Variants in ALK observed in about 807,000 individuals in gnomAD.
ALK encodes the protein ALK tyrosine kinase receptor.
ALK carries 74 observed loss-of-function variants against 163.1 expected under a neutral mutation model. The observed-to-expected ratio is 0.45, with a 90% CI of 0.38 to 0.55. The LOEUF is 0.55. Ranked by LOEUF, ALK falls within the 20% of genes least tolerant of loss-of-function variation. ALK has a pLI of 0.00. For missense variants in ALK, 2,063 were observed against 2,105.3 expected (o/e 0.98, Z 0.39); for synonymous variants, 960 against 843.2 (o/e 1.14, Z -2.40).
At chr2:29,781,997 T>A (rs926141461) in intron 1 of ALK, among the ~76,000 whole-genome samples, 1 of 152,188 alleles carries the variant, frequency 6.6e-6, no homozygotes, top group African/African-American at 2.4e-5. Flanking sequence ...TAGGGAAGTA[T>A]AGCAGGATTG....
intron 5 of ALK, among the ~76,000 whole-genome samples, chr2:29,363,599 G>A (rs549327977): frequency 1.3e-5 from 2 of 152,298 alleles, no homozygotes; most frequent in South Asian, 4.1e-4. Flanking sequence ...TAGTTGTCTT[G>A]GCATGTATAC....
chr2:29,275,260 G>C lies in ALK; in HGVS notation c.1913-33C>G, dbSNP rs755460802. ...AGAGAAGACCCCACGGGCTGAGTTA[G>C]GTGAGGGTTGATTTCAGGGTGAGAG... On this transcript the variant is annotated intron_variant, in intron 10 of 28. Coordinates refer to ENST00000389048, the MANE Select transcript of ALK (RefSeq NM_004304.5). The C allele has an allele frequency of 1.9e-6, 3 of 1,613,840 alleles. No individual in the cohort carries two copies. In the African/African-American group the frequency reaches 4.0e-5, roughly 22 times the overall value.
intron 16 of ALK, among the ~76,000 whole-genome samples, chr2:29,228,626 TATC>T (rs1664085307): frequency 2.6e-5 from 4 of 151,986 alleles, no homozygotes; most frequent in Admixed American, 2.0e-4. Flanking sequence ...AAAGCCTCTT[TATC>T]ATCGACTTTG....
intron 5 of ALK, among the ~76,000 whole-genome samples, chr2:29,333,927 AT>A (rs1420251951): frequency 6.6e-6 from 1 of 152,128 alleles, no homozygotes; most frequent in Non-Finnish European, 1.5e-5. Flanking sequence ...TTTTCATGTG[AT>A]GCCTCCCTAT....
In ALK at chr2:29,417,689, C is replaced by T. The variant is rs143677976; in HGVS notation, c.1155-33830G>A. ...CTACATCCTGTGATCACCAAGTGGA[C>T]GGTTTCCTACCGAAATAAAAAACCC... On this transcript the variant is annotated intron_variant, in intron 4 of 28. Transcript: ENST00000389048. Among the ~76,000 whole-genome samples the T allele has an allele frequency of 2.2e-4, 33 of 152,254 alleles. 1 individual carries two copies. Among genetic ancestry groups the T allele is most frequent in the Admixed American group, 3.9e-4 (6 of 15,298 alleles).
intron 1 of ALK, among the ~76,000 whole-genome samples, chr2:29,912,810 A>C (rs1191935032): frequency 6.6e-6 from 1 of 152,158 alleles, no homozygotes; most frequent in East Asian, 1.9e-4. Context: ...TCGAGCTCCT[A>C]ATCTAGTGTT....
In ALK at chr2:29,222,573, C is replaced by A; in HGVS notation, c.3394G>T (p.Glu1132Ter). The change falls in exon 21 of 29, where the codon GAA becomes TAA. Residue 1132 changes from glutamate (E) to a stop codon, truncating the protein, a stop_gained. Transcript: ENST00000389048. LOFTEE classifies it high-confidence loss of function. The stretch of plus-strand genomic sequence containing the variant: ...TTGGGCATTCCGGACACCTGGCCTT[C>A]ATACACCTCCCCAAAGGCGCCATGG... ...LGHGAFGEVY[E>*]GQVSGMPNDP... 1 of 1,614,066 alleles carries A rather than the reference C, an allele frequency of 6.2e-7. No individual in the cohort carries two copies. The highest frequency in any genetic ancestry group is 8.5e-7 in the Non-Finnish European group (1 of 1,180,018).
chr2:29,842,072 C>A (rs571958111), intron 1 of ALK, among the ~76,000 whole-genome samples: 1 of 151,914 alleles, frequency 6.6e-6, no homozygotes, highest in Non-Finnish European at 1.5e-5. Flanking sequence ...CATCCTCCCC[C>A]CTCCTTCCTT....
At chr2:29,734,006 G>C (rs1431202127) in intron 1 of ALK, among the ~76,000 whole-genome samples, 1 of 151,978 alleles carries the variant, frequency 6.6e-6, no homozygotes, top group Non-Finnish European at 1.5e-5. Context: ...GCTTACAAAA[G>C]CTGTCAGTCT....
chr2:29,437,195 A>G (rs1396041572), intron 4 of ALK, among the ~76,000 whole-genome samples: 1 of 151,828 alleles, frequency 6.6e-6, no homozygotes, highest in Non-Finnish European at 1.5e-5. Context: ...TTCCCCCTTT[A>G]TGTTTCTCCT....
At chr2:29,241,959 CAA>C (rs1283036031) in intron 12 of ALK, among the ~76,000 whole-genome samples, 2 of 152,120 alleles carry the variant, frequency 1.3e-5, no homozygotes, top group Admixed American at 6.5e-5. Context: ...CTGGGATGCA[CAA>C]AGAGAGGGGT....
intron 8 of ALK, among the ~76,000 whole-genome samples, chr2:29,308,899 G>GT (rs113000474): frequency 0.15 from 22,488 of 146,940 alleles, 1,785 homozygotes; most frequent in Non-Finnish European, 0.19. Flanking sequence ...TTTCTGTCTG[G>GT]TTTTTTTTTT....
chr2:29,434,802 G>A (rs1223095542), intron 4 of ALK, among the ~76,000 whole-genome samples: 1 of 152,196 alleles, frequency 6.6e-6, no homozygotes, highest in East Asian at 1.9e-4. Flanking sequence ...GCTGAGCTCA[G>A]GGTTGAATGA....
At chr2:29,654,689 G>C (rs1677129932) in intron 3 of ALK, among the ~76,000 whole-genome samples, 1 of 152,070 alleles carries the variant, frequency 6.6e-6, no homozygotes, top group South Asian at 2.1e-4. Context: ...AACTCTCCAG[G>C]CATATTGAAA....
chr2:29,721,166 G>C (rs1573582805), intron 1 of ALK, among the ~76,000 whole-genome samples: 1 of 152,090 alleles, frequency 6.6e-6, no homozygotes, highest in Non-Finnish European at 1.5e-5. Flanking sequence ...GGCACTGCAG[G>C]GTATCAAGGC....
intron 4 of ALK, among the ~76,000 whole-genome samples, chr2:29,422,624 T>G (rs900603019): frequency 6.6e-6 from 1 of 151,832 alleles, no homozygotes; most frequent in Admixed American, 6.5e-5. Flanking sequence ...TTTGTTTAGT[T>G]TTTTTTCTTT....
chr2:29,794,087 C>T (rs567957124), intron 1 of ALK, among the ~76,000 whole-genome samples: 70 of 152,244 alleles, frequency 4.6e-4, no homozygotes, highest in African/African-American at 1.4e-3. Flanking sequence ...AGTGTAGCCA[C>T]CTTCATCAAT....
At chr2:29,919,355 T>C (rs4493216) in intron 1 of ALK, among the ~76,000 whole-genome samples, 52,227 of 151,506 alleles carry the variant, frequency 0.34, 10,624 homozygotes, top group Middle Eastern at 0.47. Flanking sequence ...CTGTCCTCTG[T>C]TCCTTAGTTT....
chr2:29,857,550 A>C (rs1558520986), intron 1 of ALK, among the ~76,000 whole-genome samples: 1 of 152,208 alleles, frequency 6.6e-6, no homozygotes, highest in African/African-American at 2.4e-5. Context: ...AAACAATCAA[A>C]GGAGCATTGA....
Sources: allele counts gnomAD v4.1 joint callset (sites outside exome capture counted in the v4.1 genomes callset), GRCh38; gene constraint gnomAD v4.1.1; transcripts MANE v1.5; gene names NCBI Gene and HGNC (gene_info 2026-07-23, HGNC 2026-07-21).